The following SATB1 variants were observed in gnomAD, a reference collection of about 807,000 sequenced individuals.
SATB1 encodes the protein SATB homeobox 1.
Under a neutral mutation model 86.9 loss-of-function variants are expected in SATB1, and 11 were observed. The observed-to-expected ratio is 0.13, with a 90% CI of 0.08 to 0.21. The LOEUF (loss-of-function observed/expected upper bound fraction) is 0.21, where lower values mean the gene tolerates loss of function less well. SATB1 is among the 10% of genes least tolerant of loss of function. The pLI is 1.00. For synonymous variants in SATB1, 357 were observed against 357.2 expected, an observed-to-expected ratio of 1.00 and a Z score of 0.01; for missense variants, 551 against 937.6, an observed-to-expected ratio of 0.59 and a Z score of 5.39.
chr3:18,351,456 T>G, intron 10 of SATB1: 1 of 1,409,550 alleles, frequency 7.1e-7, no homozygotes, highest in South Asian at 1.2e-5. Flanking sequence ...CTACATTCTG[T>G]AAAGTGTGGG....
chr3:18,425,792 G>C (rs1157046609), upstream of SATB1, among the ~76,000 whole-genome samples: 1 of 149,762 alleles, frequency 6.7e-6, no homozygotes, highest in Non-Finnish European at 1.5e-5. Context: ...GCGCGCGGGC[G>C]GCAGGGGCAG....
chr3:18,384,226 T>C (rs905161293), intron 8 of SATB1, among the ~76,000 whole-genome samples: 3 of 152,186 alleles, frequency 2.0e-5, no homozygotes, highest in Non-Finnish European at 4.4e-5. Flanking sequence ...TCCCAACTTA[T>C]CAGCAGATAA....
chr3:18,441,702 A>G (rs755818404), upstream of SATB1, among the ~76,000 whole-genome samples: 1 of 152,124 alleles, frequency 6.6e-6, no homozygotes, highest in Non-Finnish European at 1.5e-5. Flanking sequence ...TTGTAACCAA[A>G]ATATTTTTAC....
intron 9 of SATB1, among the ~76,000 whole-genome samples, chr3:18,365,335 A>G (rs1410712220): frequency 6.6e-6 from 1 of 152,132 alleles, no homozygotes; most frequent in African/African-American, 2.4e-5. Context: ...GAGAACACCA[A>G]CAAGTTTTTC....
intron 10 of SATB1, chr3:18,351,168 G>A (rs1274155967): frequency 8.7e-6 from 6 of 693,180 alleles, no homozygotes; most frequent in Admixed American, 8.2e-5. Flanking sequence ...AAAGCATAAG[G>A]CTGCATCTGC....
At chr3:18,440,615 G>A (rs1699216574), upstream of SATB1, among the ~76,000 whole-genome samples, 1 of 152,168 alleles carries the variant, frequency 6.6e-6, no homozygotes, top group African/African-American at 2.4e-5. Flanking sequence ...AGTAGGAAGT[G>A]TTCATTCCAC....
At chr3:18,354,097 T>C (rs1375312409) in intron 9 of SATB1, among the ~76,000 whole-genome samples, 1 of 152,224 alleles carries the variant, frequency 6.6e-6, no homozygotes, top group African/African-American at 2.4e-5. Flanking sequence ...TTCAGCTCTA[T>C]TTATGTGAAT....
intron 9 of SATB1, among the ~76,000 whole-genome samples, chr3:18,357,541 A>ATTTT: frequency 7.4e-6 from 1 of 135,566 alleles, no homozygotes; most frequent in African/African-American, 2.7e-5. Flanking sequence ...ATAGAGGGCA[A>ATTTT]TTTTTTTTTT....
At chr3:18,390,785 C>T (rs1159494647) in intron 7 of SATB1, among the ~76,000 whole-genome samples, 1 of 151,940 alleles carries the variant, frequency 6.6e-6, no homozygotes, top group African/African-American at 2.4e-5. Context: ...GGAAAAAAGC[C>T]ACAGAGTGGG....
chr3:18,436,736 A>G (rs943224968), intron 2 of SATB1: 2 of 152,234 alleles, frequency 1.3e-5, no homozygotes, highest in African/African-American at 4.8e-5. Context: ...TCTGTTTTAT[A>G]TAACACAGAC....
upstream of SATB1, among the ~76,000 whole-genome samples, chr3:18,429,774 TAATTAATTA>T (rs1698829440): frequency 6.6e-6 from 1 of 151,926 alleles, no homozygotes; most frequent in Non-Finnish European, 1.5e-5. This position sits in a 1 kb window ranked among gnomAD's most constrained non-coding sequence, Gnocchi z 4.1. Flanking sequence ...ATCACAGTCT[TAATTAATTA>T]ACAATTTGGG....
chr3:18,368,182 G>A (rs568067908), intron 9 of SATB1, among the ~76,000 whole-genome samples: 1 of 152,146 alleles, frequency 6.6e-6, no homozygotes, highest in African/African-American at 2.4e-5. Flanking sequence ...TGTTAAGAAG[G>A]GTTCTGAGGT....
chr3:18,356,579 C>G (rs1694653213), intron 9 of SATB1, among the ~76,000 whole-genome samples: 1 of 151,796 alleles, frequency 6.6e-6, no homozygotes, highest in Non-Finnish European at 1.5e-5. Context: ...CAGTTCTAAA[C>G]TCAATATTCT....
chr3:18,387,917 T>G (rs1696426537), intron 7 of SATB1, among the ~76,000 whole-genome samples: 1 of 152,196 alleles, frequency 6.6e-6, no homozygotes, highest in African/African-American at 2.4e-5. Context: ...TAATGTACCA[T>G]GTTGCCGAAA....
chr3:18,423,389 A>AT (rs1266040947), intron 1 of SATB1, among the ~76,000 whole-genome samples: 1 of 152,090 alleles, frequency 6.6e-6, no homozygotes, highest in Non-Finnish European at 1.5e-5. Flanking sequence ...TTAGGAACCG[A>AT]TTTTTTGCAA....
chr3:18,366,624 A>G (rs184268600), intron 9 of SATB1, among the ~76,000 whole-genome samples: 19 of 152,250 alleles, frequency 1.2e-4, no homozygotes, highest in South Asian at 2.1e-4. Flanking sequence ...CCATTCCCCA[A>G]TGGAATTCGG....
chr3:18,401,888 T>C (rs1697287009), intron 5 of SATB1, among the ~76,000 whole-genome samples: 1 of 152,104 alleles, frequency 6.6e-6, no homozygotes, highest in Non-Finnish European at 1.5e-5. Context: ...GAAACCCCAG[T>C]ACTCTAGAAT....
upstream of SATB1, chr3:18,425,475 G>A (rs1393465488): frequency 2.0e-5 from 3 of 151,318 alleles, no homozygotes; most frequent in Admixed American, 6.6e-5. Context: ...TTAAAACCCG[G>A]GCTGGAGGGC....
intron 8 of SATB1, among the ~76,000 whole-genome samples, chr3:18,381,177 C>T (rs1241783606): frequency 6.6e-6 from 1 of 152,126 alleles, no homozygotes; most frequent in Admixed American, 6.5e-5. Context: ...CCGCAGGACA[C>T]ACATTTTCCA....
Sources: gnomAD v4.1 joint callset for allele counts (sites outside exome capture counted in the v4.1 genomes callset) on GRCh38, gnomAD v4.1.1 for gene constraint, Gnocchi (gnomAD v3.1) non-coding constraint, MANE v1.5 for transcripts, NCBI Gene and HGNC (gene_info 2026-07-23, HGNC 2026-07-21) for gene names.